The following ATP6V1H variants were observed in gnomAD, a reference collection of about 807,000 sequenced individuals.
The protein encoded by ATP6V1H is V-type proton ATPase subunit H.
ATP6V1H carries 39 observed loss-of-function variants against 71.7 expected under a neutral mutation model. The ratio of observed to expected loss-of-function variants is 0.54; its 90% CI spans 0.42 to 0.71. The LOEUF is 0.71. Among genes scored for constraint, ATP6V1H ranks in the 30% least tolerant of loss-of-function variants. The probability of loss-of-function intolerance (pLI) is 0.00; values close to 1 mark genes in which losing one functional copy is unlikely to be tolerated. For missense variants in ATP6V1H, 509 were observed against 594.9 expected (o/e 0.86, Z 1.50); for synonymous variants, 192 against 199.3 (o/e 0.96, Z 0.31).
At chr8:53,761,896 A>G (rs1270227812) in intron 11 of ATP6V1H, among the ~76,000 whole-genome samples, 1 of 152,226 alleles carries the variant, frequency 6.6e-6, no homozygotes, top group Non-Finnish European at 1.5e-5. Context: ...AACAAAAACA[A>G]TAAAATATTG....
intron 9 of ATP6V1H, among the ~76,000 whole-genome samples, chr8:53,790,535 T>C (rs1194632937): frequency 2.0e-5 from 3 of 152,110 alleles, no homozygotes; most frequent in African/African-American, 4.8e-5. Flanking sequence ...AACAAAGTAA[T>C]AGATGTAGGA....
chr8:53,737,563 C>G (rs1161540356), intron 13 of ATP6V1H, among the ~76,000 whole-genome samples: 1 of 152,328 alleles, frequency 6.6e-6, no homozygotes, highest in Non-Finnish European at 1.5e-5. Context: ...CAGCTCCTAC[C>G]AGTGTGAGAG....
intron 12 of ATP6V1H, among the ~76,000 whole-genome samples, chr8:53,755,030 T>A (rs1807953456): frequency 6.6e-6 from 1 of 152,148 alleles, no homozygotes; most frequent in African/African-American, 2.4e-5. Context: ...CAATAAATTT[T>A]TCAGTAAGGT....
intron 9 of ATP6V1H, among the ~76,000 whole-genome samples, chr8:53,780,158 C>CAAA (rs374742457): frequency 3.2e-5 from 2 of 62,562 alleles, no homozygotes; most frequent in African/African-American, 1.2e-4. Flanking sequence ...GACTCCATCT[C>CAAA]AAAAAAAAAA....
intron 7 of ATP6V1H, among the ~76,000 whole-genome samples, chr8:53,802,905 G>A (rs1429215493): frequency 2.0e-5 from 3 of 152,168 alleles, no homozygotes; most frequent in Non-Finnish European, 4.4e-5. Context: ...TAGAAATTGT[G>A]CTTAAACCTG....
chr8:53,836,327 G>T (rs1811159913), intron 2 of ATP6V1H, among the ~76,000 whole-genome samples: 1 of 152,126 alleles, frequency 6.6e-6, no homozygotes, highest in Admixed American at 6.5e-5. Flanking sequence ...TACCATGAAG[G>T]CTACACTTGG....
At chr8:53,812,424 C>T (rs1477202606) in intron 6 of ATP6V1H, among the ~76,000 whole-genome samples, 1 of 152,180 alleles carries the variant, frequency 6.6e-6, no homozygotes, top group Admixed American at 6.5e-5. Flanking sequence ...ATATTTACTT[C>T]CACTAGTGAT....
chr8:53,805,470 T>C (rs1810051513), intron 7 of ATP6V1H, among the ~76,000 whole-genome samples: 1 of 152,252 alleles, frequency 6.6e-6, no homozygotes, highest in Non-Finnish European at 1.5e-5. Flanking sequence ...TATGTGTGTA[T>C]GTGTGATTTT....
Position 53,785,125 on chromosome 8 carries a change from C to T in ATP6V1H, c.870+10522G>A, listed in dbSNP as rs547850746. On this transcript the variant is annotated intron_variant, in intron 9 of 13. Coordinates refer to ENST00000359530, the MANE Select transcript of ATP6V1H (RefSeq NM_015941.4). ...GGAAGTTCTCCTGGATAATATCCTG[C>T]AGAGTGTTTTCCAACTTGGTTCCAT... is the stretch of plus-strand genomic sequence containing the variant. Among the ~76,000 whole-genome samples, 334 of 152,010 alleles carry T rather than the reference C, an allele frequency of 2.2e-3. 1 individual carries two copies. The highest frequency in any genetic ancestry group is 7.8e-3 in the African/African-American group (323 of 41,460).
chr8:53,734,518 A>G (rs4737554), intron 13 of ATP6V1H, among the ~76,000 whole-genome samples: 22,212 of 152,224 alleles, frequency 0.15, 2,607 homozygotes, highest in East Asian at 0.37. Context: ...GACTGTGAAC[A>G]TCTACACTGA....
intron 8 of ATP6V1H, among the ~76,000 whole-genome samples, chr8:53,797,126 A>C (rs1809767042): frequency 6.6e-6 from 1 of 152,160 alleles, no homozygotes; most frequent in South Asian, 2.1e-4. Flanking sequence ...TGTCTGTTCC[A>C]GTTATTAAGC....
rs117540749 is a variant in ATP6V1H at position 53,840,684 on chromosome 8, A to T, written c.113+894T>A. ...GAGTGATTAAATTAACAGAAATTAA[A>T]GGATCATTTTTGTACATTATAGATC... On this transcript the variant is annotated intron_variant, in intron 2 of 13. Coordinates refer to ENST00000359530, the MANE Select transcript of ATP6V1H (RefSeq NM_015941.4). Among the ~76,000 whole-genome samples the T allele has an allele frequency of 1.8e-4, 27 of 152,318 alleles. No individual in the cohort carries two copies. In the East Asian group the frequency reaches 4.1e-3, roughly 23 times the overall value.
intron 13 of ATP6V1H, among the ~76,000 whole-genome samples, chr8:53,742,483 G>A (rs1278905829): frequency 6.6e-6 from 1 of 152,156 alleles, no homozygotes; most frequent in Non-Finnish European, 1.5e-5. Flanking sequence ...ACTTAGCTAT[G>A]TGGCCTACTC....
intron 13 of ATP6V1H, among the ~76,000 whole-genome samples, chr8:53,722,314 T>C (rs1260085030): frequency 3.9e-5 from 6 of 152,076 alleles, no homozygotes. Context: ...CAGCAAACAC[T>C]CCTTTACCTT....
chr8:53,750,419 C>A (rs1423894768), intron 12 of ATP6V1H, among the ~76,000 whole-genome samples: 1 of 152,044 alleles, frequency 6.6e-6, no homozygotes, highest in Non-Finnish European at 1.5e-5. Flanking sequence ...TACACTAAAT[C>A]CTCACTTAAC....
At chr8:53,772,739 A>G (rs1232673746) in intron 9 of ATP6V1H, among the ~76,000 whole-genome samples, 1 of 152,172 alleles carries the variant, frequency 6.6e-6, no homozygotes, top group Non-Finnish European at 1.5e-5. Flanking sequence ...ACTTAAGAAA[A>G]TGGCAAAATA....
At chr8:53,745,781 T>C (rs1411951575) in intron 12 of ATP6V1H, among the ~76,000 whole-genome samples, 2 of 152,292 alleles carry the variant, frequency 1.3e-5, no homozygotes, top group African/African-American at 4.8e-5. Flanking sequence ...GACGCTTGTT[T>C]CTAGCGTAAG....
chr8:53,766,800 T>A (rs1024158186), intron 11 of ATP6V1H, among the ~76,000 whole-genome samples: 3 of 152,200 alleles, frequency 2.0e-5, no homozygotes, highest in Non-Finnish European at 2.9e-5. Flanking sequence ...TCAGACCGGT[T>A]GATCTCAAAA....
chr8:53,734,338 C>T (rs1354784306), intron 13 of ATP6V1H, among the ~76,000 whole-genome samples: 3 of 152,130 alleles, frequency 2.0e-5, no homozygotes, highest in Non-Finnish European at 4.4e-5. Flanking sequence ...GGACTGGGAG[C>T]TGTATGTGGA....
Sources: allele counts gnomAD v4.1 joint callset (sites outside exome capture counted in the v4.1 genomes callset), GRCh38; gene constraint gnomAD v4.1.1; transcripts MANE v1.5; gene names NCBI Gene and HGNC (gene_info 2026-07-23, HGNC 2026-07-21).